The following TCF12 variants were observed in gnomAD, a reference collection of about 807,000 sequenced individuals.
TCF12 encodes DNA-binding protein HTF4.
TCF12 carries 45 observed loss-of-function variants against 86.0 expected under a neutral mutation model. That is an observed-to-expected ratio of 0.52 (90% CI 0.41 to 0.67). The LOEUF (loss-of-function observed/expected upper bound fraction) is 0.67. Ranked by LOEUF, TCF12 falls within the 30% of genes least tolerant of loss-of-function variation. The pLI, the probability that TCF12 is intolerant of heterozygous loss-of-function variation, is 0.00. For missense variants in TCF12, 881 were observed against 859.9 expected, an observed-to-expected ratio of 1.02 and a Z score of -0.31; for synonymous variants, 330 against 299.6, an observed-to-expected ratio of 1.10 and a Z score of -1.05.
intron 3 of TCF12, among the ~76,000 whole-genome samples, chr15:57,039,688 T>C (rs765006668): frequency 4.6e-5 from 7 of 152,198 alleles, no homozygotes; most frequent in Admixed American, 1.3e-4. Flanking sequence ...TGTCTCTCTG[T>C]GGGTTATGCT....
downstream of TCF12, among the ~76,000 whole-genome samples, chr15:57,290,071 G>A (rs4774251): frequency 0.39 from 58,844 of 150,558 alleles, 14,335 homozygotes; most frequent in Non-Finnish European, 0.54. Context: ...CTGGCTGGGC[G>A]TGGTGGCTCA....
intron 5 of TCF12, among the ~76,000 whole-genome samples, chr15:57,096,684 CTG>C (rs2049347298): frequency 6.6e-6 from 1 of 152,090 alleles, no homozygotes; most frequent in East Asian, 1.9e-4. Context: ...AAAAAAATGT[CTG>C]TATACATTCG....
intron 3 of TCF12, among the ~76,000 whole-genome samples, chr15:57,023,822 C>G (rs1220189319): frequency 1.3e-5 from 2 of 152,184 alleles, no homozygotes; most frequent in Non-Finnish European, 2.9e-5. Flanking sequence ...GTGGAAGACA[C>G]TTTTCTGTGG....
chr15:57,073,736 A>G (rs1327837168), intron 4 of TCF12, among the ~76,000 whole-genome samples: 1 of 152,008 alleles, frequency 6.6e-6, no homozygotes, highest in Non-Finnish European at 1.5e-5. Flanking sequence ...CAGAGTCACT[A>G]GAAGTTTTTT....
intron 3 of TCF12, among the ~76,000 whole-genome samples, chr15:57,049,530 T>G (rs1346609819): frequency 6.6e-6 from 1 of 152,256 alleles, no homozygotes; most frequent in Non-Finnish European, 1.5e-5. Context: ...CGTTGTTGTG[T>G]GTATTAGCAG....
intron 18 of TCF12, among the ~76,000 whole-genome samples, chr15:57,265,078 T>TATAGTA (rs2060792555): frequency 5.8e-5 from 1 of 17,176 alleles, no homozygotes; most frequent in African/African-American, 8.5e-5. Context: ...AATAGTATAG[T>TATAGTA]ATAGTATAGT....
intron 3 of TCF12, among the ~76,000 whole-genome samples, chr15:56,955,923 G>C (rs986115877): frequency 1.3e-5 from 2 of 152,180 alleles, no homozygotes; most frequent in Admixed American, 1.3e-4. Context: ...GTCTTTAAGT[G>C]CATTAATGCT....
At chr15:57,115,838 G>A (rs973233793) in intron 5 of TCF12, among the ~76,000 whole-genome samples, 15 of 129,478 alleles carry the variant, frequency 1.2e-4, no homozygotes, top group Admixed American at 7.6e-4. Context: ...TAAGCACCAG[G>A]TAAGCAGAGA....
chr15:57,197,685 G>T (rs1166128818), intron 7 of TCF12, 88 bp from the exon 8 acceptor site: 31 of 1,469,668 alleles, frequency 2.1e-5, no homozygotes, highest in African/African-American at 2.0e-4. Context: ...CAAGAAAGAC[G>T]CTAGGGGAAA....
chr15:57,045,999 A>C (rs1407176235), intron 3 of TCF12, among the ~76,000 whole-genome samples: 1 of 152,172 alleles, frequency 6.6e-6, no homozygotes, highest in Non-Finnish European at 1.5e-5. Flanking sequence ...GCCTTCCACG[A>C]TTTTCTTCAC....
chr15:56,997,007 C>T (rs1489002987), intron 3 of TCF12, among the ~76,000 whole-genome samples: 1 of 152,142 alleles, frequency 6.6e-6, no homozygotes. Context: ...AAAGGGAACA[C>T]ATAACACTAT....
At chr15:57,074,341 A>G (rs1387271147) in intron 4 of TCF12, among the ~76,000 whole-genome samples, 24 of 144,428 alleles carry the variant, frequency 1.7e-4, no homozygotes, top group African/African-American at 6.2e-4. Flanking sequence ...CCCATGAGAA[A>G]TTTCATGCCC....
rs2061977360 is a variant in TCF12, at chr15:57,287,684, A to T, written c.*1539A>T. The T allele has an allele frequency of 6.6e-6, 1 of 152,662 alleles. No homozygotes were observed. Among genetic ancestry groups the T allele is most frequent in the Non-Finnish European group, 1.5e-5 (1 of 68,042 alleles). 9.5% of individuals were successfully genotyped at this position (152,662 alleles called of 1,614,324 possible). A position where few individuals can be genotyped will look rare whatever the true frequency, so the allele number is the denominator to read the frequency against. On this transcript the variant is annotated 3_prime_UTR_variant, in exon 21 of 21. Transcript: ENST00000333725. ...ATCAGCACACAGAGGAAAGGACCCA[A>T]ATCACTATGTAGCTTAAAGATTTCT...
At chr15:57,108,791 CAACTTGTTTAA>C (rs1361636237) in intron 5 of TCF12, among the ~76,000 whole-genome samples, 4 of 152,098 alleles carry the variant, frequency 2.6e-5, no homozygotes, top group African/African-American at 9.7e-5. Flanking sequence ...AAATTGTCCT[CAACTTGTTTAA>C]AAGTTCTGTT....
At chr15:57,150,871 G>GTTC (rs1555519784) in intron 5 of TCF12, among the ~76,000 whole-genome samples, 1 of 48,832 alleles carries the variant, frequency 2.0e-5, no homozygotes, top group African/African-American at 8.7e-5. Context: ...CTCCCCCTCT[G>GTTC]TCCCTTCCTT....
At chr15:57,248,896 A>C (rs1278143206) in intron 13 of TCF12, among the ~76,000 whole-genome samples, 14 of 152,238 alleles carry the variant, frequency 9.2e-5, no homozygotes, top group African/African-American at 1.7e-4. Flanking sequence ...CAATCTCAAA[A>C]ACAGCCTGTT....
intron 3 of TCF12, among the ~76,000 whole-genome samples, chr15:57,044,684 A>T (rs1168181939): frequency 2.0e-5 from 3 of 151,514 alleles, no homozygotes; most frequent in Admixed American, 2.0e-4. Context: ...TTTCATGCTG[A>T]CTTTAGTCAT....
chr15:56,958,571 G>A (rs529127899), intron 3 of TCF12, among the ~76,000 whole-genome samples: 3 of 152,134 alleles, frequency 2.0e-5, no homozygotes, highest in East Asian at 3.9e-4. Context: ...ATACTGGAGA[G>A]TACAAATATA....
chr15:57,059,536 C>T (rs77119258), intron 3 of TCF12, among the ~76,000 whole-genome samples: 10 of 151,970 alleles, frequency 6.6e-5, no homozygotes, highest in Non-Finnish European at 1.3e-4. Context: ...TTCAGGGTGG[C>T]GGAGTCTTTA....
Sources: allele counts gnomAD v4.1 joint callset (sites outside exome capture counted in the v4.1 genomes callset), GRCh38; gene constraint gnomAD v4.1.1; transcripts MANE v1.5; gene names NCBI Gene and HGNC (gene_info 2026-07-23, HGNC 2026-07-21).